The following PSMG2 variants were observed in gnomAD, a reference collection of about 807,000 sequenced individuals.
The protein encoded by PSMG2 is proteasome assembly chaperone 2.
PSMG2 carries 21 observed loss-of-function variants against 31.5 expected under a neutral mutation model. The observed-to-expected ratio is 0.67, with a 90% confidence interval of 0.47 to 0.96. PSMG2 has a LOEUF of 0.96. Among genes scored for constraint, PSMG2 ranks in the 40% least tolerant of loss-of-function variants. The probability of loss-of-function intolerance (pLI) is 0.00; values close to 1 mark genes in which losing one functional copy is unlikely to be tolerated. For synonymous variants in PSMG2, 120 were observed against 110.4 expected (o/e 1.09, Z -0.54); for missense variants, 318 against 321.2 (o/e 0.99, Z 0.08).
At chr18:12,692,775 C>T (rs2039814082) in intron 1 of PSMG2, among the ~76,000 whole-genome samples, 2 of 152,210 alleles carry the variant, frequency 1.3e-5, no homozygotes, top group South Asian at 4.1e-4. Context: ...GTGTCTAGAA[C>T]AGTGTCTAGC....
At chr18:12,719,549 G>C (rs1291521221) in intron 4 of PSMG2, among the ~76,000 whole-genome samples, 2 of 151,564 alleles carry the variant, frequency 1.3e-5, no homozygotes. Context: ...CGCCACGCCA[G>C]ACTAATTTTT....
At chr18:12,679,071 C>G (rs1008973677) in intron 1 of PSMG2, 1 of 152,004 alleles carries the variant, frequency 6.6e-6, no homozygotes, top group Non-Finnish European at 1.5e-5. Context: ...AAAGAGGACT[C>G]GGGAATGAAA....
chr18:12,720,049 AT>A (rs2040416092), intron 4 of PSMG2, among the ~76,000 whole-genome samples: 1 of 145,624 alleles, frequency 6.9e-6, no homozygotes, highest in Admixed American at 6.9e-5. Context: ...TTTATTTTTT[AT>A]TTTTTATTCT....
chr18:12,692,323 A>G (rs2039797066), intron 1 of PSMG2: 1 of 151,968 alleles, frequency 6.6e-6, no homozygotes, highest in Non-Finnish European at 1.5e-5. Flanking sequence ...CTCAAAAAAA[A>G]AAAAAACATA....
chr18:12,671,642 C>CCT (rs2038948306), intron 1 of PSMG2, among the ~76,000 whole-genome samples: 1 of 55,544 alleles, frequency 1.8e-5, no homozygotes, highest in Non-Finnish European at 3.6e-5. Flanking sequence ...TTCACACTTT[C>CCT]TTTTTTTTTT....
upstream of PSMG2, chr18:12,698,792 A>C: frequency 1.7e-6 from 1 of 579,386 alleles, no homozygotes; most frequent in African/African-American, 1.9e-5. Context: ...TATCCAGGGA[A>C]AATGAATAGC....
At chr18:12,705,570 AGAGAGAGTGTGTGTGT>A (rs2040258917) in intron 1 of PSMG2, among the ~76,000 whole-genome samples, 1 of 126,210 alleles carries the variant, frequency 7.9e-6, no homozygotes, top group African/African-American at 2.8e-5. Context: ...AGAGAGAGAG[AGAGAGAGTGTGTGTGT>A]GTGTGTGTGT....
chr18:12,696,723 C>T (rs1217011983), intron 1 of PSMG2, among the ~76,000 whole-genome samples: 1 of 152,100 alleles, frequency 6.6e-6, no homozygotes, highest in East Asian at 1.9e-4. Context: ...TAGGCACCAG[C>T]TCTGCCCTCA....
chr18:12,711,116 A>G (rs117195062), intron 2 of PSMG2, among the ~76,000 whole-genome samples: 1 of 152,132 alleles, frequency 6.6e-6, no homozygotes, highest in East Asian at 1.9e-4. Context: ...CAAACAAAAA[A>G]CAAAAATTAG....
At chr18:12,699,064 T>A (rs528967798), upstream of PSMG2, 1 of 1,613,988 alleles carries the variant, frequency 6.2e-7, no homozygotes, top group African/African-American at 1.3e-5. Context: ...AACGAAAACG[T>A]TGGTTTCGAT....
chr18:12,675,752 T>C (rs922393856), intron 1 of PSMG2, among the ~76,000 whole-genome samples: 1 of 152,060 alleles, frequency 6.6e-6, no homozygotes, highest in Non-Finnish European at 1.5e-5. Context: ...CACTGCAACC[T>C]CTGCCTCCCA....
At chr18:12,719,143 TCAAGCAGTC>T (rs2040405704) in intron 4 of PSMG2, among the ~76,000 whole-genome samples, 1 of 151,994 alleles carries the variant, frequency 6.6e-6, no homozygotes, top group Non-Finnish European at 1.5e-5. Flanking sequence ...ATTCCCAGGC[TCAAGCAGTC>T]TGCCTGCCTC....
intron 3 of PSMG2, among the ~76,000 whole-genome samples, chr18:12,717,848 A>T (rs112518210): frequency 6.6e-6 from 1 of 152,200 alleles, no homozygotes; most frequent in African/African-American, 2.4e-5. Context: ...TTCGGGTCAC[A>T]AATTTCTGGC....
intron 3 of PSMG2, among the ~76,000 whole-genome samples, chr18:12,713,729 T>A (rs1295528777): frequency 6.6e-6 from 1 of 152,086 alleles, no homozygotes; most frequent in Non-Finnish European, 1.5e-5. Flanking sequence ...TACCAAGTAG[T>A]TTCTTATCTG....
chr18:12,687,414 T>A (rs529523396), intron 1 of PSMG2, among the ~76,000 whole-genome samples: 69 of 152,108 alleles, frequency 4.5e-4, no homozygotes, highest in African/African-American at 1.4e-3. Context: ...TGGCTATAGA[T>A]TCCACTCATA....
upstream of PSMG2, chr18:12,698,964 A>G (rs2145106929): frequency 6.5e-7 from 1 of 1,535,964 alleles, no homozygotes; most frequent in East Asian, 2.3e-5. Flanking sequence ...ATGACAATTT[A>G]TTACTGTTTC....
At position 12,708,521 on chromosome 18, in the gene PSMG2, C is replaced by T. The variant is rs201922785; in HGVS notation, c.229+1800C>T. 2.4e-4 allele frequency among the ~76,000 whole-genome samples: 36 copies of T among 151,888 alleles called. No homozygotes were observed. In the East Asian group the frequency reaches 6.8e-3, roughly 29 times the overall value. On this transcript the variant is annotated intron_variant, in intron 2 of 6. Transcript: ENST00000317615. ...CTGGGATTACAGGCATGTGCCACCA[C>T]ACCCAGCTAGTTTTGTATTTTTAGT... is the stretch of plus-strand genomic sequence containing the variant.
upstream of PSMG2, chr18:12,703,005 T>A (rs1019974258): frequency 3.7e-6 from 5 of 1,363,546 alleles, no homozygotes; most frequent in African/African-American, 5.9e-5. Context: ...CAAAGGACCC[T>A]CCCGCGCCCC....
chr18:12,710,819 G>T lies in PSMG2; in HGVS notation c.230-1883G>T, dbSNP rs552590322. Among the ~76,000 whole-genome samples the T allele has an allele frequency of 1.4e-4, 22 of 152,322 alleles. No individual in the cohort carries two copies. In the South Asian group the frequency reaches 4.6e-3, roughly 32 times the overall value. On this transcript the variant is annotated intron_variant, in intron 2 of 6. Transcript: ENST00000317615. ...CCTAACAACAAAAAGAATTGCATAG[G>T]CCGGGCACGGTGGCCCATGCTAGTA...
Sources: allele counts gnomAD v4.1 joint callset (sites outside exome capture counted in the v4.1 genomes callset), GRCh38; gene constraint gnomAD v4.1.1; transcripts MANE v1.5; gene names NCBI Gene and HGNC (gene_info 2026-07-23, HGNC 2026-07-21).